The following CHD6 variants were observed in gnomAD, a reference collection of about 807,000 sequenced individuals.
CHD6 encodes chromodomain helicase DNA binding protein 6, also known as ATP-dependent chromatin remodeler CHD6.
In CHD6, 50 loss-of-function variants were observed where a neutral mutation model predicts 276.9. The ratio of observed to expected loss-of-function variants is 0.18; its 90% CI spans 0.14 to 0.23. CHD6 has a LOEUF of 0.23. CHD6 is among the 10% of genes least tolerant of loss of function. The pLI is 1.00. For missense variants in CHD6, 2,564 were observed against 3,365.8 expected, an observed-to-expected ratio of 0.76 and a Z score of 5.89; for synonymous variants, 1,173 against 1,229.3, an observed-to-expected ratio of 0.95 and a Z score of 0.96.
chr20:41,599,274 C>T (rs2045749789), intron 1 of CHD6, among the ~76,000 whole-genome samples: 1 of 152,134 alleles, frequency 6.6e-6, no homozygotes, highest in Non-Finnish European at 1.5e-5. Flanking sequence ...GGGTCCAATG[C>T]TGTACTTTTA....
Position 41,570,410 on chromosome 20 carries a change from T to C in CHD6, c.-23-19050A>G, listed in dbSNP as rs374443673. ...CCCAGATTCACCTTTGTGAACTCAG[T>C]ATCTAGGACAGACCAATAATGTAAG... On this transcript the variant is annotated intron_variant, in intron 1 of 36. Transcript: ENST00000373233. Among the ~76,000 whole-genome samples the C allele has an allele frequency of 3.5e-4, 53 of 152,314 alleles. 1 individual carries two copies. Among genetic ancestry groups the C allele is most frequent in the African/African-American group, 1.2e-3 (51 of 41,564 alleles).
At chr20:41,500,646 G>T (rs1380777644) in intron 5 of CHD6, among the ~76,000 whole-genome samples, 1 of 152,122 alleles carries the variant, frequency 6.6e-6, no homozygotes, top group Non-Finnish European at 1.5e-5. Context: ...GCTCTGCTTG[G>T]TTCCTAAATA....
Position 41,415,216 on chromosome 20 carries a change from C to A in CHD6, c.6909G>T (p.Leu2303Phe). The A allele has an allele frequency of 1.9e-6, 3 of 1,614,124 alleles. No individual in the cohort carries two copies. Among genetic ancestry groups the A allele is most frequent in the Non-Finnish European group, 2.5e-6 (3 of 1,180,000 alleles). ...TTCCCGCCTGAAGTGTCTGCTCCTTCAAAAAGATGAGGTCCATCCCTCCTT... is the reference window on the plus strand; with the variant it reads ...TTCCCGCCTGAAGTGTCTGCTCCTTAAAAAAGATGAGGTCCATCCCTCCTT... ...HVEGGMDLIF[L>F]KEQTLQAGIL... Residue 2303 changes from leucine (L) to phenylalanine (F), a missense_variant, in exon 34 of 37, where the codon TTG becomes TTT. This residue lies in a region of CHD6 where 1,024 missense variants were observed against 1,047.9 expected (regional missense o/e 0.98). Coordinates refer to ENST00000373233, the MANE Select transcript of CHD6 (RefSeq NM_032221.5).
chr20:41,455,609 T>A (rs1207503736), intron 19 of CHD6, among the ~76,000 whole-genome samples, 191 bp downstream of exon 19: 1 of 152,220 alleles, frequency 6.6e-6, no homozygotes, highest in Non-Finnish European at 1.5e-5. Flanking sequence ...TTTCTTGGTA[T>A]AGTCCCTGAC....
intron 1 of CHD6, among the ~76,000 whole-genome samples, chr20:41,599,147 G>A (rs1249029531): frequency 6.6e-6 from 1 of 152,144 alleles, no homozygotes; most frequent in Non-Finnish European, 1.5e-5. Flanking sequence ...ATTATACTAG[G>A]GATGCCATTA....
intron 1 of CHD6, among the ~76,000 whole-genome samples, chr20:41,555,348 G>T (rs1480632480): frequency 6.9e-6 from 1 of 144,592 alleles, no homozygotes; most frequent in African/African-American, 2.5e-5. Flanking sequence ...CGGGGCGGCC[G>T]GCCGGGCGGG....
At chr20:41,450,586 G>A (rs973347228) in intron 23 of CHD6, among the ~76,000 whole-genome samples, 1 of 152,020 alleles carries the variant, frequency 6.6e-6, no homozygotes, top group Non-Finnish European at 1.5e-5. Context: ...CAAACTGGAA[G>A]AGGTGGCTGA....
At chr20:41,462,743 C>T (rs931997187) in intron 17 of CHD6, among the ~76,000 whole-genome samples, 2 of 152,100 alleles carry the variant, frequency 1.3e-5, no homozygotes, top group African/African-American at 2.4e-5. Flanking sequence ...TGCATGTTTA[C>T]GTATGCATTT....
At chr20:41,415,959 C>CA (rs1235048019) in intron 33 of CHD6, among the ~76,000 whole-genome samples, 3 of 152,218 alleles carry the variant, frequency 2.0e-5, no homozygotes, top group Non-Finnish European at 4.4e-5. Flanking sequence ...GCATCAGAAT[C>CA]ACCTGGGAAG....
rs2048405036 is a variant in CHD6 at position 41,457,278 on chromosome 20, C to G, written c.2815G>C (p.Gly939Arg). 6.2e-7 allele frequency: 1 copy of G among 1,613,622 alleles called. No individual in the cohort carries two copies. Among genetic ancestry groups the G allele is most frequent in the Admixed American group, 1.7e-5 (1 of 60,010 alleles). The change falls in exon 18 of 37, where the codon GGC (glycine) becomes CGC (arginine). Residue 939 changes from glycine to arginine, a missense_variant. By Grantham distance (125) the Gly-to-Arg change is moderately radical. Around this residue, in one of 7 missense-constraint regions of CHD6, gnomAD observed 457 missense variants for 889.0 expected, o/e 0.51. Transcript: ENST00000373233. ...KAVLQDINRK[G>R]GTNGVQQLSK... Reference sequence around the variant, plus strand: ...ATCACACTCACCCCATTGGTGCCGCCCTTTCGGTTGATGTCCTGAAGAACA... The same window carrying G: ...ATCACACTCACCCCATTGGTGCCGCGCTTTCGGTTGATGTCCTGAAGAACA...
At chr20:41,583,925 C>T (rs1160577142) in intron 1 of CHD6, among the ~76,000 whole-genome samples, 1 of 151,710 alleles carries the variant, frequency 6.6e-6, no homozygotes, top group African/African-American at 2.4e-5. Context: ...TTTAAAAAAC[C>T]CTCAATCTAA....
rs950939739 is a variant in CHD6, at chr20:41,403,761, C to T, written c.*832G>A. On this transcript the variant is annotated 3_prime_UTR_variant, in exon 37 of 37. Transcript: ENST00000373233. ...ATGGCTAGAGAAATCTGTAAGCGAA[C>T]CAGGTGAGAGCAGAGCGCTAGCCGT... 1 of 1,057,844 alleles carries T rather than the reference C, an allele frequency of 9.5e-7. No individual in the cohort carries two copies. The highest frequency in any genetic ancestry group is 1.1e-6 in the Non-Finnish European group (1 of 874,644). 65.5% of individuals were successfully genotyped at this position (1,057,844 alleles called of 1,614,324 possible). A position where few individuals can be genotyped will look rare whatever the true frequency, so the allele number is the denominator to read the frequency against.
chr20:41,500,645 G>A lies in CHD6; in HGVS notation c.853-1288C>T, dbSNP rs556107631. Among the ~76,000 whole-genome samples, 123 of 152,168 alleles carry A rather than the reference G, an allele frequency of 8.1e-4. 1 individual carries two copies. The highest frequency in any genetic ancestry group is 2.7e-3 in the African/African-American group (113 of 41,518). On this transcript the variant is annotated intron_variant, in intron 5 of 36. Transcript: ENST00000373233. ...CTCTGTTTAAGTATTTGCTCTGCTT[G>A]GTTCCTAAATATAGATAGGTGGCAG...
At chr20:41,436,712 C>A (rs2047720345) in intron 27 of CHD6, among the ~76,000 whole-genome samples, 1 of 152,138 alleles carries the variant, frequency 6.6e-6, no homozygotes, top group Non-Finnish European at 1.5e-5. Flanking sequence ...CAGACAACCA[C>A]CTAGATGAAT....
In CHD6 at chr20:41,466,563, C is replaced by A. The variant is rs114633141; in HGVS notation, c.2664+6759G>T. On this transcript the variant is annotated intron_variant, in intron 17 of 36. Transcript: ENST00000373233. Reference sequence around the variant, plus strand: ...CTGGGAGGTTTGATGAATGATTCTGCAAATTAAGGAAGTGATCATGGTGAA... The same window carrying A: ...CTGGGAGGTTTGATGAATGATTCTGAAAATTAAGGAAGTGATCATGGTGAA... Among the ~76,000 whole-genome samples, 438 of 152,234 alleles carry A rather than the reference C, an allele frequency of 2.9e-3. 2 individuals carry two copies. Among genetic ancestry groups the A allele is most frequent in the African/African-American group, 9.7e-3 (405 of 41,544 alleles).
At chr20:41,543,102 C>CA (rs568067367) in intron 2 of CHD6, among the ~76,000 whole-genome samples, 1,760 of 80,328 alleles carry the variant, frequency 0.022, 18 homozygotes, top group Middle Eastern at 0.061. Flanking sequence ...GACTCTGTCT[C>CA]AAAAAAAAAA....
chr20:41,417,412 A>G, intron 31 of CHD6, 63 bp from the exon 32 acceptor site: 1 of 1,407,636 alleles, frequency 7.1e-7, no homozygotes, highest in Admixed American at 2.1e-5. Flanking sequence ...TAGTGATCTG[A>G]GAGATTAGGA....
At chr20:41,485,125 G>A (rs566337634) in intron 14 of CHD6, among the ~76,000 whole-genome samples, 16 of 152,300 alleles carry the variant, frequency 1.1e-4, no homozygotes, top group African/African-American at 2.9e-4. Context: ...AAGAACTAAT[G>A]TTATAGGTGA....
intron 36 of CHD6, among the ~76,000 whole-genome samples, chr20:41,405,767 C>T (rs1391291597): frequency 2.6e-5 from 4 of 152,080 alleles, no homozygotes; most frequent in Non-Finnish European, 5.9e-5. Flanking sequence ...GCAAAAGTGG[C>T]ATCCAGTCTG....
Sources: gnomAD v4.1 joint callset for allele counts (sites outside exome capture counted in the v4.1 genomes callset) on GRCh38, gnomAD v4.1.1 for gene constraint, gnomAD v4.1.1 regional missense constraint, MANE v1.5 for transcripts, NCBI Gene and HGNC (gene_info 2026-07-23, HGNC 2026-07-21) for gene names.